Variants in MYO5B observed in about 807,000 individuals in gnomAD.
The protein encoded by MYO5B is unconventional myosin-Vb.
A neutral mutation model predicts 229.3 loss-of-function variants in MYO5B; 143 were observed. The observed-to-expected ratio is 0.62, with a 90% CI of 0.54 to 0.72. The LOEUF (loss-of-function observed/expected upper bound fraction) is 0.72. MYO5B is among the 30% of genes least tolerant of loss of function. MYO5B has a pLI of 0.00. For synonymous variants in MYO5B, 918 were observed against 885.2 expected, an observed-to-expected ratio of 1.04 and a Z score of -0.66; for missense variants, 2,321 against 2,331.0, an observed-to-expected ratio of 1.00 and a Z score of 0.09.
intron 1 of MYO5B, among the ~76,000 whole-genome samples, chr18:50,152,925 T>C (rs1179826817): frequency 6.6e-6 from 1 of 151,470 alleles, no homozygotes; most frequent in African/African-American, 2.4e-5. Context: ...GTTCATATAT[T>C]GGTGAATTCT....
At chr18:50,114,947 C>T (rs138727646) in intron 1 of MYO5B, among the ~76,000 whole-genome samples, 37 of 152,344 alleles carry the variant, frequency 2.4e-4, no homozygotes, top group African/African-American at 7.9e-4. Flanking sequence ...TGCTTTCACA[C>T]CCAGGAAGCT....
At chr18:49,951,800 A>G (rs2025433893) in intron 14 of MYO5B, among the ~76,000 whole-genome samples, 1 of 152,176 alleles carries the variant, frequency 6.6e-6, no homozygotes, top group Non-Finnish European at 1.5e-5. Flanking sequence ...ATCGTAAGAG[A>G]CCATCGTGAG....
At chr18:50,058,823 A>AC (rs1214740207) in intron 1 of MYO5B, among the ~76,000 whole-genome samples, 1 of 152,152 alleles carries the variant, frequency 6.6e-6, no homozygotes, top group Non-Finnish European at 1.5e-5. Flanking sequence ...AGAAAAAAAA[A>AC]CACATAGTAA....
At chr18:50,028,490 G>A (rs937590810) in intron 4 of MYO5B, among the ~76,000 whole-genome samples, 2 of 152,154 alleles carry the variant, frequency 1.3e-5, no homozygotes. Context: ...TGGCAGTGGG[G>A]GGAGCCAGGA....
At chr18:50,036,782 G>A (rs1425447360) in intron 4 of MYO5B, 68 bp downstream of exon 4, 2 of 1,566,638 alleles carry the variant, frequency 1.3e-6, no homozygotes, top group Non-Finnish European at 1.8e-6. Context: ...AGTTGCAGAG[G>A]AAGGTAAAAA....
intron 1 of MYO5B, among the ~76,000 whole-genome samples, chr18:50,163,285 A>C (rs960845749): frequency 6.6e-6 from 1 of 152,204 alleles, no homozygotes; most frequent in Non-Finnish European, 1.5e-5. Context: ...CCTGACATAC[A>C]GAACTTGCAG....
chr18:49,907,782 G>A (rs2024915514), intron 18 of MYO5B, among the ~76,000 whole-genome samples: 1 of 152,286 alleles, frequency 6.6e-6, no homozygotes, highest in South Asian at 2.1e-4. Context: ...TCCAGCTTGA[G>A]TGTCACTGAC....
chr18:50,050,823 G>A (rs542027540), intron 2 of MYO5B, among the ~76,000 whole-genome samples: 1 of 152,268 alleles, frequency 6.6e-6, no homozygotes, highest in Admixed American at 6.5e-5. Flanking sequence ...TAGGTAAAAG[G>A]GAGGACAAAC....
At position 49,953,179 on chromosome 18, in the gene MYO5B, C is replaced by T. The variant is rs377099402; in HGVS notation, c.1752+81G>A. Reference sequence around the variant, plus strand: ...GCCCAGCATCTCTGTCTTTCCACCCCAAGGAGGTTGCATCACCACTCCCTG... The same window carrying T: ...GCCCAGCATCTCTGTCTTTCCACCCTAAGGAGGTTGCATCACCACTCCCTG... On this transcript the variant is annotated intron_variant, in intron 14 of 39. Coordinates refer to ENST00000285039, the MANE Select transcript of MYO5B (RefSeq NM_001080467.3). The T allele has an allele frequency of 2.6e-4, 347 of 1,319,326 alleles. 1 individual carries two copies. In the South Asian group the frequency reaches 3.8e-3, roughly 14 times the overall value. 81.7% of individuals were successfully genotyped at this position (1,319,326 alleles called of 1,614,324 possible). A position where few individuals can be genotyped will look rare whatever the true frequency, so the allele number is the denominator to read the frequency against.
chr18:49,940,213 A>G (rs2025299066), intron 14 of MYO5B, among the ~76,000 whole-genome samples: 1 of 152,218 alleles, frequency 6.6e-6, no homozygotes, highest in Non-Finnish European at 1.5e-5. Context: ...TATCAAAACA[A>G]CGCAATGAGT....
chr18:50,069,169 G>GT (rs1220277907), intron 1 of MYO5B, among the ~76,000 whole-genome samples: 2 of 151,662 alleles, frequency 1.3e-5, no homozygotes, highest in Admixed American at 6.6e-5. Context: ...ATGTTCCCCG[G>GT]TTAAAAAAAA....
chr18:49,900,736 T>C (rs2024831562), intron 21 of MYO5B, among the ~76,000 whole-genome samples: 2 of 152,290 alleles, frequency 1.3e-5, no homozygotes, highest in Non-Finnish European at 2.9e-5. Flanking sequence ...TGTCCTTTCC[T>C]TCCCTAGGAG....
intron 14 of MYO5B, among the ~76,000 whole-genome samples, chr18:49,937,917 T>C (rs1319823004): frequency 1.3e-5 from 2 of 152,178 alleles, no homozygotes; most frequent in African/African-American, 4.8e-5. Context: ...AGACTTTTAG[T>C]GGTGATGACT....
At chr18:49,911,976 A>C in intron 18 of MYO5B, 86 bp downstream of exon 18, 3 of 1,004,040 alleles carry the variant, frequency 3.0e-6, no homozygotes, top group Non-Finnish European at 4.8e-6. Flanking sequence ...ATGAAGACCA[A>C]AAAAAAAATG....
intron 13 of MYO5B, 82 bp from the exon 14 acceptor site, chr18:49,953,425 A>G (rs1228029146): frequency 1.5e-5 from 19 of 1,266,332 alleles, no homozygotes; most frequent in Non-Finnish European, 2.1e-5. Flanking sequence ...TCCAGGTAGC[A>G]TTTTCTGAAA....
chr18:49,938,226 C>G (rs1040433317), intron 14 of MYO5B, among the ~76,000 whole-genome samples: 11 of 152,096 alleles, frequency 7.2e-5, no homozygotes, highest in African/African-American at 2.7e-4. Context: ...AAGCCTATGC[C>G]TGTTATATGG....
chr18:50,113,366 G>C (rs982549753), intron 1 of MYO5B, among the ~76,000 whole-genome samples: 1 of 152,206 alleles, frequency 6.6e-6, no homozygotes, highest in African/African-American at 2.4e-5. Context: ...ATGCTGTCGT[G>C]ATCATTTTTG....
chr18:49,995,378 C>T (rs2025976853), intron 5 of MYO5B, among the ~76,000 whole-genome samples: 1 of 151,674 alleles, frequency 6.6e-6, no homozygotes, highest in South Asian at 2.1e-4. Context: ...CCTCAGCCTC[C>T]CAAGTAGCTG....
intron 1 of MYO5B, among the ~76,000 whole-genome samples, chr18:50,077,340 G>A (rs114911263): frequency 5.9e-5 from 9 of 152,096 alleles, no homozygotes; most frequent in African/African-American, 1.2e-4. Context: ...AACCAGAGAC[G>A]CTTGCTACTT....
Sources: allele counts gnomAD v4.1 joint callset (sites outside exome capture counted in the v4.1 genomes callset), GRCh38; gene constraint gnomAD v4.1.1; transcripts MANE v1.5; gene names NCBI Gene and HGNC (gene_info 2026-07-23, HGNC 2026-07-21).